Variants in CDH12 observed in about 807,000 individuals in gnomAD.
The protein encoded by CDH12 is cadherin 12.
In CDH12, 41 loss-of-function variants were observed where a neutral mutation model predicts 74.1. The observed-to-expected ratio is 0.55, with a 90% CI of 0.43 to 0.72. CDH12 has a LOEUF of 0.72. Ranked by LOEUF, CDH12 falls within the 30% of genes least tolerant of loss-of-function variation. The pLI is 0.00. For synonymous variants in CDH12, 399 were observed against 355.0 expected, an observed-to-expected ratio of 1.12 and a Z score of -1.39; for missense variants, 945 against 977.2, an observed-to-expected ratio of 0.97 and a Z score of 0.44.
chr5:22,776,503 A>T (rs1747112473), intron 1 of CDH12, among the ~76,000 whole-genome samples: 1 of 152,130 alleles, frequency 6.6e-6, no homozygotes, highest in South Asian at 2.1e-4. Context: ...AATGCCTATG[A>T]TAATTGCGTA....
chr5:22,221,743 G>A (rs1752022683), intron 3 of CDH12, among the ~76,000 whole-genome samples: 1 of 151,774 alleles, frequency 6.6e-6, no homozygotes, highest in African/African-American at 2.4e-5. Flanking sequence ...AACATCTAAA[G>A]ATATATTATT....
At chr5:21,902,172 AG>A (rs555198478) in intron 6 of CDH12, among the ~76,000 whole-genome samples, 349 of 152,034 alleles carry the variant, frequency 2.3e-3, no homozygotes, top group Non-Finnish European at 3.8e-3. Context: ...TTGATTATGA[AG>A]GGAGACTTGC....
chr5:22,697,707 C>T lies in CDH12; in HGVS notation c.-523+155351G>A, dbSNP rs567863479. ...ATTGTTATGGACTAAATTGTGTCCC[C>T]TTAAAATGTATATGTTGAAGCCCAA... On this transcript the variant is annotated intron_variant, in intron 1 of 14. Transcript: ENST00000382254. Among the ~76,000 whole-genome samples, 118 of 152,218 alleles carry T rather than the reference C, an allele frequency of 7.8e-4. 1 individual carries two copies. Among genetic ancestry groups the T allele is most frequent in the African/African-American group, 2.7e-3 (112 of 41,526 alleles).
At chr5:21,989,084 T>A (rs1167907535) in intron 5 of CDH12, among the ~76,000 whole-genome samples, 2 of 151,824 alleles carry the variant, frequency 1.3e-5, no homozygotes, top group African/African-American at 4.8e-5. Flanking sequence ...CTTAAGAATT[T>A]TGATGAAGAA....
chr5:22,818,574 A>T (rs1749508153), intron 1 of CDH12, among the ~76,000 whole-genome samples: 1 of 152,166 alleles, frequency 6.6e-6, no homozygotes, highest in African/African-American at 2.4e-5. Flanking sequence ...ACATCATTTG[A>T]CATAAAGGAT....
Position 22,592,568 on chromosome 5 carries a change from T to C in CDH12, c.-522-87204A>G, listed in dbSNP as rs540971945. 2.0e-5 allele frequency among the ~76,000 whole-genome samples: 3 copies of C among 152,294 alleles called. No individual in the cohort carries two copies. The East Asian group carries it at 5.8e-4, about 29-fold the overall frequency. ...TAAATTCATAAAATATTTTTCAGTG[T>C]TTTTAGTATTTTTAAACCTTTCTCT... On this transcript the variant is annotated intron_variant, in intron 1 of 14. Transcript: ENST00000382254.
At chr5:22,298,205 A>G (rs1239395603) in intron 3 of CDH12, among the ~76,000 whole-genome samples, 1 of 151,012 alleles carries the variant, frequency 6.6e-6, no homozygotes, top group Non-Finnish European at 1.5e-5. Context: ...ACACACATAC[A>G]CTCATATACA....
chr5:22,723,084 C>T (rs1743981243), intron 1 of CDH12, among the ~76,000 whole-genome samples: 2 of 152,086 alleles, frequency 1.3e-5, no homozygotes, highest in South Asian at 4.1e-4. Context: ...TATAATGCTA[C>T]TGTAAAAAAT....
chr5:21,841,619 C>A (rs1311229522), intron 8 of CDH12, among the ~76,000 whole-genome samples: 2 of 150,794 alleles, frequency 1.3e-5, no homozygotes. Flanking sequence ...AAATGTCCAA[C>A]AATGATAGAC....
At chr5:22,570,300 C>T (rs777630670) in intron 1 of CDH12, among the ~76,000 whole-genome samples, 13 of 151,996 alleles carry the variant, frequency 8.6e-5, no homozygotes, top group Admixed American at 7.9e-4. Flanking sequence ...CCTCCTGCCT[C>T]GGCCTCCTGA....
intron 1 of CDH12, among the ~76,000 whole-genome samples, chr5:22,739,421 A>G (rs1744909159): frequency 6.6e-6 from 1 of 152,050 alleles, no homozygotes; most frequent in Non-Finnish European, 1.5e-5. Flanking sequence ...GACAAATGTT[A>G]CATTTAAGAA....
intron 1 of CDH12, among the ~76,000 whole-genome samples, chr5:22,675,313 C>T (rs1012789920): frequency 2.6e-5 from 4 of 152,152 alleles, no homozygotes; most frequent in African/African-American, 9.7e-5. Context: ...AAGCCCCAAG[C>T]CTTGGCAGCT....
chr5:22,515,033 C>T (rs1736749846), intron 1 of CDH12, among the ~76,000 whole-genome samples: 1 of 151,992 alleles, frequency 6.6e-6, no homozygotes, highest in African/African-American at 2.4e-5. Context: ...TTAATAATTG[C>T]ATTTTAATAA....
chr5:22,364,498 A>G (rs1422993817), intron 3 of CDH12, among the ~76,000 whole-genome samples: 1 of 152,152 alleles, frequency 6.6e-6, no homozygotes, highest in East Asian at 1.9e-4. Flanking sequence ...GAGCTTTTCT[A>G]TGTGGTAATC....
At chr5:22,489,838 C>T (rs887354123) in intron 2 of CDH12, among the ~76,000 whole-genome samples, 6 of 151,684 alleles carry the variant, frequency 4.0e-5, no homozygotes, top group East Asian at 1.9e-4. Context: ...CAGGCACATG[C>T]CCAGCTAATT....
At chr5:22,423,578 T>C (rs1377215921) in intron 2 of CDH12, among the ~76,000 whole-genome samples, 3 of 152,138 alleles carry the variant, frequency 2.0e-5, no homozygotes, top group African/African-American at 7.2e-5. Context: ...TTTGTACGCA[T>C]GTAGGGAAAG....
At chr5:22,596,850 G>C (rs1448338064) in intron 1 of CDH12, among the ~76,000 whole-genome samples, 1 of 152,086 alleles carries the variant, frequency 6.6e-6, no homozygotes, top group African/African-American at 2.4e-5. Context: ...TCTTCCACCA[G>C]AACTGTTACT....
intron 3 of CDH12, among the ~76,000 whole-genome samples, chr5:22,309,102 A>C (rs2150426594): frequency 6.6e-6 from 1 of 152,324 alleles, no homozygotes; most frequent in South Asian, 2.1e-4. Flanking sequence ...CAAGGTATAC[A>C]GTATTGTACC....
rs78679687 is a variant in CDH12, at chr5:22,832,594, A to T, written c.-523+20464T>A. Among the ~76,000 whole-genome samples the T allele has an allele frequency of 6.0e-3, 914 of 152,294 alleles. 12 individuals are homozygous for T. Among genetic ancestry groups the T allele is most frequent in the African/African-American group, 0.021 (862 of 41,564 alleles). On this transcript the variant is annotated intron_variant, in intron 1 of 14. Coordinates refer to ENST00000382254, the MANE Select transcript of CDH12 (RefSeq NM_004061.5). Reference sequence around the variant, plus strand: ...CCCCTGAAGTAAGCCAGAAAGAAATAGATATATAAGGATAAAGAAGTATTT... The same window carrying T: ...CCCCTGAAGTAAGCCAGAAAGAAATTGATATATAAGGATAAAGAAGTATTT...
Sources: gnomAD v4.1 joint callset for allele counts (sites outside exome capture counted in the v4.1 genomes callset) on GRCh38, gnomAD v4.1.1 for gene constraint, MANE v1.5 for transcripts, NCBI Gene and HGNC (gene_info 2026-07-23, HGNC 2026-07-21) for gene names.